The following ASIC2 variants were observed in gnomAD, a reference collection of about 807,000 sequenced individuals.
ASIC2 encodes the protein acid-sensing ion channel 2.
ASIC2 carries 25 observed loss-of-function variants against 57.3 expected under a neutral mutation model. That is an observed-to-expected ratio of 0.44 (90% CI 0.32 to 0.61). The LOEUF is 0.61. ASIC2 is among the 20% of genes least tolerant of loss of function. The probability of loss-of-function intolerance (pLI) is 0.06; values close to 1 mark genes in which losing one functional copy is unlikely to be tolerated. For synonymous variants in ASIC2, 319 were observed against 307.5 expected (o/e 1.04, Z -0.39); for missense variants, 641 against 738.1 (o/e 0.87, Z 1.52).
At chr17:33,067,928 G>C (rs184223425) in intron 3 of ASIC2, among the ~76,000 whole-genome samples, 2 of 152,232 alleles carry the variant, frequency 1.3e-5, no homozygotes, top group Non-Finnish European at 2.9e-5. Context: ...GAGCAGCCTG[G>C]GCCCAAAGCA....
chr17:34,095,706 TATA>T (rs1416853809), intron 1 of ASIC2, among the ~76,000 whole-genome samples: 1 of 141,090 alleles, frequency 7.1e-6, no homozygotes, highest in Non-Finnish European at 1.5e-5. Flanking sequence ...TATAGAGATA[TATA>T]ATTTTATATA....
intron 1 of ASIC2, among the ~76,000 whole-genome samples, chr17:33,952,151 A>G (rs943938114): frequency 1.2e-4 from 19 of 152,202 alleles, no homozygotes; most frequent in African/African-American, 4.3e-4. Context: ...AATGAGAGAG[A>G]GGAGAGGAAG....
chr17:33,707,700 G>C (rs550871096), intron 1 of ASIC2, among the ~76,000 whole-genome samples: 1 of 152,284 alleles, frequency 6.6e-6, no homozygotes, highest in Admixed American at 6.5e-5. Flanking sequence ...CCTTTACTCT[G>C]TTTATCTGCC....
intron 1 of ASIC2, chr17:34,039,576 G>A: frequency 1.2e-6 from 2 of 1,613,958 alleles, no homozygotes; most frequent in South Asian, 1.1e-5. Context: ...TTCTGCCAGG[G>A]CTGGTTCCCG....
intron 1 of ASIC2, among the ~76,000 whole-genome samples, chr17:34,043,358 G>A (rs1597990456): frequency 6.6e-6 from 1 of 152,180 alleles, no homozygotes; most frequent in South Asian, 2.1e-4. Flanking sequence ...AGCATTGATT[G>A]TGGCTAAACA....
intron 1 of ASIC2, among the ~76,000 whole-genome samples, chr17:33,362,388 G>A (rs1282394950): frequency 6.6e-6 from 1 of 152,216 alleles, no homozygotes; most frequent in Non-Finnish European, 1.5e-5. Context: ...CTGTAATACA[G>A]TCAGTGCAGA....
chr17:33,368,987 C>T (rs1343833051), intron 1 of ASIC2, among the ~76,000 whole-genome samples: 2 of 152,164 alleles, frequency 1.3e-5, no homozygotes, highest in African/African-American at 4.8e-5. Context: ...CACAAGTCTG[C>T]CACCTTCCTG....
At chr17:33,768,850 A>G (rs1449341561) in intron 1 of ASIC2, among the ~76,000 whole-genome samples, 2 of 152,134 alleles carry the variant, frequency 1.3e-5, no homozygotes, top group Non-Finnish European at 2.9e-5. Context: ...AGGAGATGGC[A>G]TGACTTTGGG....
intron 3 of ASIC2, among the ~76,000 whole-genome samples, chr17:33,057,795 C>T (rs548085679): frequency 4.7e-4 from 72 of 152,194 alleles, no homozygotes; most frequent in Non-Finnish European, 8.5e-4. Flanking sequence ...GTGGTTAAGT[C>T]AGCCCAGTCA....
At chr17:33,464,701 ATATG>A (rs1567621393) in intron 1 of ASIC2, among the ~76,000 whole-genome samples, 1 of 127,692 alleles carries the variant, frequency 7.8e-6, no homozygotes, top group African/African-American at 2.9e-5. Context: ...ATATATATAT[ATATG>A]TATATATATG....
At chr17:33,743,862 GTC>G (rs1910180607) in intron 1 of ASIC2, among the ~76,000 whole-genome samples, 1 of 152,120 alleles carries the variant, frequency 6.6e-6, no homozygotes, top group African/African-American at 2.4e-5. Flanking sequence ...CCTTCCCCCT[GTC>G]TCTGCCTATA....
At chr17:33,410,973 T>C (rs1910638506) in intron 1 of ASIC2, among the ~76,000 whole-genome samples, 1 of 152,152 alleles carries the variant, frequency 6.6e-6, no homozygotes. Context: ...TGAATGGATG[T>C]GTAGTGAGTA....
At chr17:33,457,801 G>A (rs1282177014) in intron 1 of ASIC2, among the ~76,000 whole-genome samples, 2 of 152,168 alleles carry the variant, frequency 1.3e-5, no homozygotes. Context: ...GATCAGTCAT[G>A]TTATTCTCTT....
At chr17:33,159,840 G>C (rs1171856235) in intron 1 of ASIC2, among the ~76,000 whole-genome samples, 1 of 152,142 alleles carries the variant, frequency 6.6e-6, no homozygotes, top group South Asian at 2.1e-4. Context: ...GATAATGATA[G>C]CACCGACCTC....
At chr17:33,422,343 G>A (rs937384474) in intron 1 of ASIC2, among the ~76,000 whole-genome samples, 15 of 151,466 alleles carry the variant, frequency 9.9e-5, no homozygotes, top group East Asian at 5.8e-4. Context: ...AGCAACCCCC[G>A]TCCCCACAGC....
chr17:33,426,871 C>T (rs979820020), intron 1 of ASIC2, among the ~76,000 whole-genome samples: 2 of 152,146 alleles, frequency 1.3e-5, no homozygotes, highest in South Asian at 2.1e-4. Context: ...AAACAAGGTG[C>T]TATGGGAGAA....
At chr17:33,679,215 G>A (rs1230923118) in intron 1 of ASIC2, among the ~76,000 whole-genome samples, 1 of 152,136 alleles carries the variant, frequency 6.6e-6, no homozygotes. Flanking sequence ...CTTTATAGAA[G>A]GAAGTGGAGA....
intron 5 of ASIC2, 86 bp downstream of exon 5, chr17:33,025,840 G>T: frequency 7.5e-7 from 1 of 1,332,620 alleles, no homozygotes; most frequent in South Asian, 1.5e-5. Context: ...TCTTCCACTT[G>T]ATCTTTCCCC....
intron 1 of ASIC2, among the ~76,000 whole-genome samples, chr17:33,660,424 T>C (rs1907221347): frequency 6.6e-6 from 1 of 152,046 alleles, no homozygotes; most frequent in African/African-American, 2.4e-5. Context: ...ATATTTTCTT[T>C]ATATTCTTAT....
Sources: gnomAD v4.1 joint callset for allele counts (sites outside exome capture counted in the v4.1 genomes callset) on GRCh38, gnomAD v4.1.1 for gene constraint, MANE v1.5 for transcripts, NCBI Gene and HGNC (gene_info 2026-07-23, HGNC 2026-07-21) for gene names.